Variants in SYNE2 observed in about 807,000 individuals in gnomAD.
The protein encoded by SYNE2 is nesprin-2.
A neutral mutation model predicts 856.3 loss-of-function variants in SYNE2; 431 were observed. That is an observed-to-expected ratio of 0.50 (90% CI 0.47 to 0.55). The LOEUF (loss-of-function observed/expected upper bound fraction) is 0.55. SYNE2 is among the 20% of genes least tolerant of loss of function. SYNE2 has a pLI of 0.00. For synonymous variants in SYNE2, 2,923 were observed against 2,872.3 expected (o/e 1.02, Z -0.56); for missense variants, 8,129 against 8,023.2 (o/e 1.01, Z -0.50).
chr14:64,122,600 C>A, intron 70 of SYNE2, 173 bp downstream of exon 70: 1 of 791,966 alleles, frequency 1.3e-6, no homozygotes, highest in Non-Finnish European at 2.1e-6. Flanking sequence ...TTCCTTTGTG[C>A]TTCTGTAGCA....
chr14:63,767,573 G>C (rs781404547), intron 1 of SYNE2, among the ~76,000 whole-genome samples: 18 of 152,048 alleles, frequency 1.2e-4, no homozygotes, highest in Non-Finnish European at 2.5e-4. Flanking sequence ...TGGCCACACT[G>C]GGCCCTGATT....
At chr14:64,216,171 C>G in intron 107 of SYNE2, 77 bp from the exon 108 acceptor site, 1 of 1,607,044 alleles carries the variant, frequency 6.2e-7, no homozygotes, top group Non-Finnish European at 8.5e-7. Flanking sequence ...CATTTTCATA[C>G]TGTAACCTGA....
intron 8 of SYNE2, among the ~76,000 whole-genome samples, chr14:63,961,164 G>A (rs1244554922): frequency 1.3e-5 from 2 of 152,186 alleles, no homozygotes; most frequent in Non-Finnish European, 2.9e-5. Context: ...TGCATTCCTG[G>A]AGGAATTTCT....
intron 79 of SYNE2, among the ~76,000 whole-genome samples, chr14:64,138,415 G>A (rs2098113385): frequency 6.6e-6 from 1 of 151,824 alleles, no homozygotes; most frequent in Non-Finnish European, 1.5e-5. Context: ...AAAATTTTTT[G>A]TAGAGATGGG....
intron 96 of SYNE2, among the ~76,000 whole-genome samples, chr14:64,183,284 C>T (rs1419500524): frequency 3.3e-5 from 5 of 151,436 alleles, no homozygotes; most frequent in Non-Finnish European, 2.9e-5. Context: ...GACAGGGTGG[C>T]GGCCGGGCAG....
chr14:64,064,767 A>G (rs1431394006), intron 50 of SYNE2, among the ~76,000 whole-genome samples: 1 of 150,514 alleles, frequency 6.6e-6, no homozygotes, highest in Non-Finnish European at 1.5e-5. Context: ...TTGCCTTGCT[A>G]TGTCTTGAAT....
At chr14:63,976,333 C>T (rs904512582) in intron 11 of SYNE2, among the ~76,000 whole-genome samples, 1 of 152,066 alleles carries the variant, frequency 6.6e-6, no homozygotes, top group African/African-American at 2.4e-5. Flanking sequence ...TTTTCTTATG[C>T]CTTCTTTTCC....
At chr14:63,914,846 T>C (rs2095515733) in intron 2 of SYNE2, among the ~76,000 whole-genome samples, 1 of 152,168 alleles carries the variant, frequency 6.6e-6, no homozygotes, top group South Asian at 2.1e-4. Context: ...GGTGCGATCT[T>C]GGCCCACTGC....
At chr14:63,889,926 C>T (rs2095088702) in intron 1 of SYNE2, among the ~76,000 whole-genome samples, 1 of 152,114 alleles carries the variant, frequency 6.6e-6, no homozygotes, top group Non-Finnish European at 1.5e-5. Context: ...AGGATAGAAT[C>T]TAGAAGAGAT....
At chr14:63,902,248 T>TA (rs2095346884) in intron 1 of SYNE2, among the ~76,000 whole-genome samples, 1 of 151,532 alleles carries the variant, frequency 6.6e-6, no homozygotes, top group South Asian at 2.1e-4. Flanking sequence ...CCATCTCTAC[T>TA]AAAAGTACAA....
chr14:64,225,143 TG>T, intron 115 of SYNE2, 98 bp downstream of exon 115: 1 of 1,558,698 alleles, frequency 6.4e-7, no homozygotes, highest in Non-Finnish European at 8.8e-7. Context: ...TGCAAAAATC[TG>T]GTTTTCTTTT....
rs1198893780 is a variant in SYNE2, at chr14:64,001,925, T to C, written c.3639-9T>C. On this transcript the variant is annotated splice_polypyrimidine_tract_variant and intron_variant, in intron 28 of 115. Coordinates refer to ENST00000555002, the MANE Select transcript of SYNE2 (RefSeq NM_182914.3). ...TTTTCCCCTCATGTCTGATTTACCTTGCACCCAGAATGGAATCTTTAGAGA... is the reference window on the plus strand; with the variant it reads ...TTTTCCCCTCATGTCTGATTTACCTCGCACCCAGAATGGAATCTTTAGAGA... 6.2e-7 allele frequency: 1 copy of C among 1,614,168 alleles called. No homozygotes were observed. Among genetic ancestry groups the C allele is most frequent in the South Asian group, 1.1e-5 (1 of 91,080 alleles).
rs920897881 is a variant in SYNE2 at position 64,046,747 on chromosome 14, C to G, written c.7222-1253C>G. Among the ~76,000 whole-genome samples the G allele has an allele frequency of 6.6e-5, 10 of 152,320 alleles. 1 individual carries two copies. The highest frequency in any genetic ancestry group is 5.2e-4 in the Admixed American group (8 of 15,304). On this transcript the variant is annotated intron_variant, in intron 45 of 115. Coordinates refer to ENST00000555002, the MANE Select transcript of SYNE2 (RefSeq NM_182914.3). ...TCTACTTGGTCCACTGTGCTCAACCCCTTGCTGGAGGGAGCACATGAGCAA... is the reference window on the plus strand; with the variant it reads ...TCTACTTGGTCCACTGTGCTCAACCGCTTGCTGGAGGGAGCACATGAGCAA...
chr14:64,052,338 G>C lies in SYNE2; in HGVS notation c.8425G>C (p.Glu2809Gln). ...YEGSDLNNTLEDLRNQYQMLV... is the reference protein window; with the variant it reads ...YEGSDLNNTLQDLRNQYQMLV... ...GGGCAGTGATTTAAATAATACCCTA[G>C]AGGACTTACGGAATCAATACCAAAT... The change falls in exon 48 of 116, where the codon GAG becomes CAG. Residue 2809 changes from glutamate to glutamine, a missense_variant. Physicochemically the swap from Glu to Gln is conservative, Grantham distance 29. Coordinates refer to ENST00000555002, the MANE Select transcript of SYNE2 (RefSeq NM_182914.3). 6.2e-7 allele frequency: 1 copy of C among 1,614,122 alleles called. No homozygotes were observed. The highest frequency in any genetic ancestry group is 2.2e-5 in the East Asian group (1 of 44,878).
intron 55 of SYNE2, among the ~76,000 whole-genome samples, chr14:64,079,571 T>G (rs1429912904): frequency 1.3e-5 from 2 of 152,242 alleles, no homozygotes; most frequent in African/African-American, 2.4e-5. Context: ...ATTTTACCTT[T>G]GAAATTTTCC....
intron 1 of SYNE2, among the ~76,000 whole-genome samples, chr14:63,843,862 G>A (rs1046723117): frequency 5.3e-5 from 8 of 151,818 alleles, no homozygotes; most frequent in Non-Finnish European, 1.0e-4. Flanking sequence ...TTAAAATGTC[G>A]ACAATTTATG....
intron 80 of SYNE2, among the ~76,000 whole-genome samples, chr14:64,140,868 A>T (rs1051332467): frequency 2.6e-5 from 4 of 151,942 alleles, no homozygotes; most frequent in African/African-American, 9.7e-5. Context: ...CATTTATGAA[A>T]CGTAGTCTTT....
chr14:63,869,496 C>T (rs1896297289), intron 1 of SYNE2, among the ~76,000 whole-genome samples: 2 of 151,718 alleles, frequency 1.3e-5, no homozygotes, highest in Admixed American at 6.6e-5. Flanking sequence ...GTGGCGGGCA[C>T]CTGTAATCCC....
At chr14:64,108,147 G>C (rs1456393092) in intron 65 of SYNE2, among the ~76,000 whole-genome samples, 1 of 152,128 alleles carries the variant, frequency 6.6e-6, no homozygotes, top group Non-Finnish European at 1.5e-5. Context: ...TCAGGAGTTT[G>C]AGACCAGCCT....
Sources: allele counts gnomAD v4.1 joint callset (sites outside exome capture counted in the v4.1 genomes callset), GRCh38; gene constraint gnomAD v4.1.1; transcripts MANE v1.5; gene names NCBI Gene and HGNC (gene_info 2026-07-23, HGNC 2026-07-21).